CTNND2: variants seen among roughly 807,000 people sequenced by gnomAD.
CTNND2 encodes the protein catenin delta-2.
Under a neutral mutation model 144.4 loss-of-function variants are expected in CTNND2, and 22 were observed. The observed-to-expected ratio is 0.15, with a 90% CI of 0.11 to 0.22. The LOEUF is 0.22. Ranked by LOEUF, CTNND2 falls within the 10% of genes least tolerant of loss-of-function variation. The probability of loss-of-function intolerance (pLI) is 1.00; values close to 1 mark genes in which losing one functional copy is unlikely to be tolerated. For synonymous variants in CTNND2, 751 were observed against 695.6 expected, an observed-to-expected ratio of 1.08 and a Z score of -1.25; for missense variants, 1,353 against 1,618.8, an observed-to-expected ratio of 0.84 and a Z score of 2.82.
In CTNND2 at chr5:11,719,833, TACACACACACACACAC is replaced by T. The variant is rs36223515; in HGVS notation, c.174+12287_174+12302del. ...TGAATTTGTGGGTAGCTCTGACATA[TACACACACACACACAC>T]ACACACACACACACACACACACACA... On this transcript the variant is annotated intron_variant, in intron 2 of 21. Transcript: ENST00000304623. Among the ~76,000 whole-genome samples, 656 of 142,108 alleles carry T rather than the reference TACACACACACACACAC, an allele frequency of 4.6e-3. 9 individuals are homozygous for T. Among genetic ancestry groups the T allele is most frequent in the African/African-American group, 0.016 (617 of 39,136 alleles). 93.2% of individuals were successfully genotyped at this position (142,108 alleles called of 152,430 possible).
chr5:11,717,147 C>G (rs1786399016), intron 2 of CTNND2, among the ~76,000 whole-genome samples: 2 of 152,022 alleles, frequency 1.3e-5, no homozygotes, highest in South Asian at 4.2e-4. Flanking sequence ...GGATTACCAG[C>G]ATGAGCCACC....
chr5:11,009,298 A>T (rs1740812681), intron 18 of CTNND2, among the ~76,000 whole-genome samples: 1 of 152,246 alleles, frequency 6.6e-6, no homozygotes, highest in African/African-American at 2.4e-5. Flanking sequence ...GATATAACCA[A>T]GATGGTCAGG....
chr5:11,206,216 G>T (rs1282665423), intron 10 of CTNND2, among the ~76,000 whole-genome samples: 1 of 152,134 alleles, frequency 6.6e-6, no homozygotes, highest in African/African-American at 2.4e-5. Flanking sequence ...GGTATATATC[G>T]AATAGATCTC....
chr5:10,976,833 GT>G (rs1398314172), intron 21 of CTNND2, among the ~76,000 whole-genome samples: 1 of 152,182 alleles, frequency 6.6e-6, no homozygotes, highest in Non-Finnish European at 1.5e-5. Flanking sequence ...ACTTTTCCAT[GT>G]CTCAGAGTGT....
At chr5:11,557,220 G>A (rs890092804) in intron 3 of CTNND2, among the ~76,000 whole-genome samples, 1 of 152,054 alleles carries the variant, frequency 6.6e-6, no homozygotes, top group South Asian at 2.1e-4. Flanking sequence ...CAACAGCAAC[G>A]TTCACTGTTT....
chr5:11,900,808 G>C (rs1737791005), intron 1 of CTNND2, among the ~76,000 whole-genome samples: 1 of 152,198 alleles, frequency 6.6e-6, no homozygotes. Flanking sequence ...TACTGGACTT[G>C]AAAATGACTA....
At chr5:11,834,035 T>C (rs944803604) in intron 1 of CTNND2, among the ~76,000 whole-genome samples, 29 of 152,244 alleles carry the variant, frequency 1.9e-4, no homozygotes, top group Non-Finnish European at 3.8e-4. Flanking sequence ...TAATCCTTTG[T>C]GGGAGAGGCA....
intron 16 of CTNND2, among the ~76,000 whole-genome samples, chr5:11,044,495 C>G (rs1222616219): frequency 6.7e-6 from 1 of 150,360 alleles, no homozygotes; most frequent in Non-Finnish European, 1.5e-5. Context: ...CCCTCCTACC[C>G]TATTTTCAAA....
At chr5:11,025,656 CTG>C (rs1381919393) in intron 16 of CTNND2, among the ~76,000 whole-genome samples, 1 of 152,134 alleles carries the variant, frequency 6.6e-6, no homozygotes, top group Admixed American at 6.5e-5. Flanking sequence ...AATAGTAAAA[CTG>C]AGGGTGGAAG....
intron 1 of CTNND2, among the ~76,000 whole-genome samples, chr5:11,792,377 A>G (rs750803480): frequency 1.3e-5 from 2 of 152,206 alleles, no homozygotes; most frequent in Non-Finnish European, 2.9e-5. Flanking sequence ...TTGTTAGCAT[A>G]AATTTGTAAC....
At chr5:11,720,076 C>T (rs1371328267) in intron 2 of CTNND2, among the ~76,000 whole-genome samples, 2 of 152,146 alleles carry the variant, frequency 1.3e-5, no homozygotes, top group African/African-American at 2.4e-5. Flanking sequence ...CTCTGTGCTG[C>T]CACCCACTGG....
intron 7 of CTNND2, among the ~76,000 whole-genome samples, chr5:11,382,633 G>A (rs1758629247): frequency 6.6e-6 from 1 of 150,910 alleles, no homozygotes; most frequent in African/African-American, 2.4e-5. Flanking sequence ...GTGTGTGTGT[G>A]TGTGTGTGTG....
chr5:11,380,548 C>G (rs1758372939), intron 7 of CTNND2, among the ~76,000 whole-genome samples: 2 of 152,122 alleles, frequency 1.3e-5, no homozygotes, highest in Admixed American at 6.5e-5. Context: ...TCAGGTAGCT[C>G]TATATGATAA....
chr5:11,563,105 A>T (rs542941358), intron 3 of CTNND2, among the ~76,000 whole-genome samples: 1 of 152,328 alleles, frequency 6.6e-6, no homozygotes, highest in South Asian at 2.1e-4. Flanking sequence ...CAGTCTGGTC[A>T]GGTCCATTTA....
chr5:11,753,201 C>T (rs1788722894), intron 1 of CTNND2, among the ~76,000 whole-genome samples: 1 of 151,780 alleles, frequency 6.6e-6, no homozygotes, highest in Non-Finnish European at 1.5e-5. Flanking sequence ...GCTAGGACTT[C>T]CAGAACTGTG....
Position 11,903,318 on chromosome 5 carries a change from G to A in CTNND2, c.37+499C>T. 1 of 985,872 alleles carries A rather than the reference G, an allele frequency of 1.0e-6. No homozygotes were observed. The highest frequency in any genetic ancestry group is 1.2e-6 in the Non-Finnish European group (1 of 830,306). 61.1% of individuals were successfully genotyped at this position (985,872 alleles called of 1,614,324 possible). On this transcript the variant is annotated intron_variant, in intron 1 of 21. Coordinates refer to ENST00000304623, the MANE Select transcript of CTNND2 (RefSeq NM_001332.4). The surrounding 1 kb of genome is among the most constrained non-coding windows in gnomAD (Gnocchi z 5.4). ...GCTCAGGGTCTGGCAAGCCGCGGGA[G>A]CCTGAAGACACGGCCATGGACGCAT... is the stretch of plus-strand genomic sequence containing the variant.
At chr5:11,338,156 G>A (rs185167422) in intron 9 of CTNND2, among the ~76,000 whole-genome samples, 12 of 152,306 alleles carry the variant, frequency 7.9e-5, no homozygotes, top group Admixed American at 5.2e-4. Flanking sequence ...TAGCAGGGGT[G>A]TTAGGGAGGG....
rs1319729262 is a variant in CTNND2 at position 11,880,851 on chromosome 5, C to T, written c.37+22966G>A. Among the ~76,000 whole-genome samples the T allele has an allele frequency of 3.2e-5, 4 of 126,568 alleles. 1 individual carries two copies. The highest frequency in any genetic ancestry group is 6.0e-5 in the African/African-American group (2 of 33,554). The allele number at this position is 126,568 out of a possible 152,430, so 83.0% of individuals were successfully genotyped here. Reference sequence around the variant, plus strand: ...CCACTACTACCACTACTACTACCACCACTACTACTACCACTACTACTGCTA... The same window carrying T: ...CCACTACTACCACTACTACTACCACTACTACTACTACCACTACTACTGCTA... On this transcript the variant is annotated intron_variant, in intron 1 of 21. Transcript: ENST00000304623.
At chr5:11,439,817 A>G (rs1030594217) in intron 3 of CTNND2, among the ~76,000 whole-genome samples, 4 of 151,526 alleles carry the variant, frequency 2.6e-5, no homozygotes, top group South Asian at 2.1e-4. Flanking sequence ...ATATGTGTGT[A>G]TATATATGTG....
Sources: gnomAD v4.1 joint callset for allele counts (sites outside exome capture counted in the v4.1 genomes callset) on GRCh38, gnomAD v4.1.1 for gene constraint, Gnocchi (gnomAD v3.1) non-coding constraint, MANE v1.5 for transcripts, NCBI Gene and HGNC (gene_info 2026-07-23, HGNC 2026-07-21) for gene names.